The following CREBL2 variants were observed in gnomAD, a reference collection of about 807,000 sequenced individuals.
CREBL2 encodes cAMP responsive element binding protein like 2.
In CREBL2, 4 loss-of-function variants were observed where a neutral mutation model predicts 19.5. The ratio of observed to expected loss-of-function variants is 0.20; its 90% CI spans 0.10 to 0.47. The LOEUF (loss-of-function observed/expected upper bound fraction) is 0.47. CREBL2 is among the 20% of genes least tolerant of loss of function. The pLI is 0.98. For synonymous variants in CREBL2, 42 were observed against 46.6 expected, an observed-to-expected ratio of 0.90 and a Z score of 0.40; for missense variants, 85 against 145.1, an observed-to-expected ratio of 0.59 and a Z score of 2.13.
At chr12:12,637,758 CGGTT>C in intron 3 of CREBL2, 44 bp downstream of exon 3, 2 of 1,559,068 alleles carry the variant, frequency 1.3e-6, no homozygotes, top group Admixed American at 3.7e-5. Flanking sequence ...GAGAGTGTCT[CGGTT>C]GGGCGCAGTG....
At chr12:12,620,525 C>T (rs930767858) in intron 1 of CREBL2, among the ~76,000 whole-genome samples, 8 of 152,166 alleles carry the variant, frequency 5.3e-5, no homozygotes, top group South Asian at 2.1e-4. Context: ...CCACCATGCC[C>T]GGCCGCCTTC....
At chr12:12,626,607 T>G (rs976404470) in intron 1 of CREBL2, among the ~76,000 whole-genome samples, 1 of 152,226 alleles carries the variant, frequency 6.6e-6, no homozygotes, top group African/African-American at 2.4e-5. Flanking sequence ...CCTTTTAATT[T>G]GTTCATCCTG....
chr12:12,642,085 A>C lies in CREBL2; in HGVS notation c.*87A>C, dbSNP rs1945527500. The C allele has an allele frequency of 1.0e-6, 1 of 988,702 alleles. No individual in the cohort carries two copies. Among genetic ancestry groups the C allele is most frequent in the African/African-American group, 1.7e-5 (1 of 60,470 alleles). The allele number at this position is 988,702 out of a possible 1,614,324, so 61.2% of individuals were successfully genotyped here. ...GGGCAAGAGTGTACTTCTTGGCTCC[A>C]TTTACTACCTACTGCTCAGTAGTCA... On this transcript the variant is annotated 3_prime_UTR_variant, in exon 4 of 4. Transcript: ENST00000228865.
intron 1 of CREBL2, among the ~76,000 whole-genome samples, chr12:12,635,369 G>GAAA (rs542994272): frequency 8.6e-6 from 1 of 116,132 alleles, no homozygotes; most frequent in Non-Finnish European, 1.8e-5. Context: ...ACCCTGTCTG[G>GAAA]AAAAAAAAAA....
intron 1 of CREBL2, 94 bp from the exon 2 acceptor site, chr12:12,635,683 G>A: frequency 1.4e-6 from 2 of 1,430,408 alleles, no homozygotes; most frequent in South Asian, 1.4e-5. Context: ...CTCACGTTTT[G>A]TTTATAAATG....
chr12:12,638,090 A>G (rs773174085), intron 3 of CREBL2, among the ~76,000 whole-genome samples: 7 of 152,080 alleles, frequency 4.6e-5, no homozygotes, highest in Non-Finnish European at 8.8e-5. Context: ...TTTTCTTAGT[A>G]TGTCTTTAAA....
intron 3 of CREBL2, among the ~76,000 whole-genome samples, chr12:12,639,738 TAAAG>T (rs752793555): frequency 6.6e-6 from 1 of 152,080 alleles, no homozygotes; most frequent in African/African-American, 2.4e-5. Flanking sequence ...AACTGAGAAA[TAAAG>T]AGAGACAGTA....
chr12:12,641,252 T>C (rs1423651922), intron 3 of CREBL2, among the ~76,000 whole-genome samples: 2 of 83,750 alleles, frequency 2.4e-5, no homozygotes, highest in South Asian at 4.3e-4. Flanking sequence ...TTATTATTAT[T>C]ATTTTTTTTT....
At chr12:12,614,621 C>G (rs1289445079) in intron 1 of CREBL2, 3 of 287,148 alleles carry the variant, frequency 1.0e-5, no homozygotes, top group Non-Finnish European at 2.0e-5. Context: ...GAATGCACAT[C>G]CATTCCTAGC....
intron 1 of CREBL2, among the ~76,000 whole-genome samples, chr12:12,625,006 T>G (rs1233540949): frequency 6.6e-6 from 1 of 152,220 alleles, no homozygotes; most frequent in Non-Finnish European, 1.5e-5. Context: ...TCTGAAGTTA[T>G]GCCGTCAAGC....
chr12:12,619,547 G>C (rs1945344107), intron 1 of CREBL2, among the ~76,000 whole-genome samples: 1 of 152,152 alleles, frequency 6.6e-6, no homozygotes, highest in South Asian at 2.1e-4. Flanking sequence ...GGAGGTGGAG[G>C]TTGCTGTGAG....
At chr12:12,636,043 G>T in intron 2 of CREBL2, 69 bp downstream of exon 2, 1 of 1,366,432 alleles carries the variant, frequency 7.3e-7, no homozygotes, top group South Asian at 1.3e-5. Flanking sequence ...ATTAAAATAC[G>T]AAAATACCAG....
intron 1 of CREBL2, among the ~76,000 whole-genome samples, chr12:12,633,338 G>A (rs769061013): frequency 5.3e-5 from 8 of 152,116 alleles, no homozygotes; most frequent in Admixed American, 6.5e-5. Flanking sequence ...GGGAGGCTGA[G>A]GCAGGAGAAT....
At chr12:12,613,386 C>A (rs1278447399) in intron 1 of CREBL2, among the ~76,000 whole-genome samples, 3 of 152,216 alleles carry the variant, frequency 2.0e-5, no homozygotes, top group Non-Finnish European at 4.4e-5. Flanking sequence ...CTTTGGCATA[C>A]TCTTTACGAT....
chr12:12,630,929 G>A (rs1325203646), intron 1 of CREBL2, among the ~76,000 whole-genome samples: 1 of 152,104 alleles, frequency 6.6e-6, no homozygotes, highest in Non-Finnish European at 1.5e-5. Flanking sequence ...ATTTAAGAAT[G>A]TCTTTTGTTT....
At chr12:12,615,445 A>G (rs934031113) in intron 1 of CREBL2, 7 of 151,704 alleles carry the variant, frequency 4.6e-5, no homozygotes, top group African/African-American at 1.5e-4. Context: ...GATCTGTGTA[A>G]GGTATTCCCT....
chr12:12,614,549 C>G (rs561341975), intron 1 of CREBL2: 1 of 183,100 alleles, frequency 5.5e-6, no homozygotes, highest in East Asian at 1.7e-4. Context: ...CTCACTGCAG[C>G]CTCGAACTCC....
At chr12:12,641,264 T>TA (rs1491148330) in intron 3 of CREBL2, among the ~76,000 whole-genome samples, 3 of 78,702 alleles carry the variant, frequency 3.8e-5, no homozygotes, top group African/African-American at 1.7e-4. Flanking sequence ...TTTTTTTTTA[T>TA]TTTTTTTTTT....
rs547813643 is a variant in CREBL2, at chr12:12,632,323, C to T, written c.16-3454C>T. On this transcript the variant is annotated intron_variant, in intron 1 of 3. Transcript: ENST00000228865. ...CGATCTCCTGACCTCGTGATCCGCCCGCCTCGGCCTCCCAAAGTGCTGGGA... is the reference window on the plus strand; with the variant it reads ...CGATCTCCTGACCTCGTGATCCGCCTGCCTCGGCCTCCCAAAGTGCTGGGA... Among the ~76,000 whole-genome samples, 11 of 151,726 alleles carry T rather than the reference C, an allele frequency of 7.2e-5. No individual in the cohort carries two copies. The South Asian group carries it at 1.5e-3, about 20-fold the overall frequency.
Sources: allele counts gnomAD v4.1 joint callset (sites outside exome capture counted in the v4.1 genomes callset), GRCh38; gene constraint gnomAD v4.1.1; transcripts MANE v1.5; gene names NCBI Gene and HGNC (gene_info 2026-07-23, HGNC 2026-07-21).